METTL16: variants seen among roughly 807,000 people sequenced by gnomAD.
The protein encoded by METTL16 is methyltransferase 16, RNA N6-adenosine, also known as RNA N(6)-adenosine-methyltransferase METTL16.
METTL16 carries 19 observed loss-of-function variants against 57.9 expected under a neutral mutation model. The observed-to-expected ratio is 0.33, with a 90% confidence interval of 0.23 to 0.48. The LOEUF (loss-of-function observed/expected upper bound fraction) is 0.48. Ranked by LOEUF, METTL16 falls within the 20% of genes least tolerant of loss-of-function variation. The probability of loss-of-function intolerance (pLI) is 0.99; values close to 1 mark genes in which losing one functional copy is unlikely to be tolerated. For missense variants in METTL16, 434 were observed against 691.5 expected (o/e 0.63, Z 4.18); for synonymous variants, 246 against 255.6 (o/e 0.96, Z 0.36).
chr17:2,437,215 A>G (rs749905074), intron 8 of METTL16, among the ~76,000 whole-genome samples: 1 of 152,118 alleles, frequency 6.6e-6, no homozygotes, highest in Non-Finnish European at 1.5e-5. Context: ...TATTCCAGAA[A>G]ATGTTCTAGC....
intron 6 of METTL16, among the ~76,000 whole-genome samples, chr17:2,454,208 CTTT>C (rs1170225377): frequency 6.6e-6 from 1 of 152,106 alleles, no homozygotes; most frequent in Non-Finnish European, 1.5e-5. Flanking sequence ...CTCCAAAAAA[CTTT>C]TTTTCCCCTC....
In METTL16 at chr17:2,419,489, T is replaced by C. The variant is rs369736149; in HGVS notation, c.*481A>G. On this transcript the variant is annotated 3_prime_UTR_variant, in exon 10 of 10. Coordinates refer to ENST00000263092, the MANE Select transcript of METTL16 (RefSeq NM_024086.4). ...CCACCATACAGCTCCCTTTGTGGGA[T>C]TGATGCAAGGTAGGCCCCATCTTGA... The C allele has an allele frequency of 8.1e-5, 30 of 369,602 alleles. No individual in the cohort carries two copies. The highest frequency in any genetic ancestry group is 4.0e-4 in the South Asian group (20 of 50,316). 22.9% of individuals were successfully genotyped at this position (369,602 alleles called of 1,614,324 possible). A position where few individuals can be genotyped will look rare whatever the true frequency, so the allele number is the denominator to read the frequency against.
chr17:2,453,219 C>T (rs1258276798), intron 6 of METTL16, among the ~76,000 whole-genome samples: 1 of 152,152 alleles, frequency 6.6e-6, no homozygotes, highest in African/African-American at 2.4e-5. Context: ...TAAAACTTAA[C>T]ACTCATTCAA....
chr17:2,500,226 G>C (rs997841532), intron 2 of METTL16, among the ~76,000 whole-genome samples: 6 of 152,138 alleles, frequency 3.9e-5, no homozygotes, highest in Non-Finnish European at 7.4e-5. Context: ...TTAGAGTAAA[G>C]AAGAGGTGAA....
In METTL16 at chr17:2,419,894, A is replaced by G. The variant is rs939384264; in HGVS notation, c.*76T>C. ...ATCGTGCTACTAATGGGCCGCTGGT[A>G]GGATTCCTCTTGCCACCCCACAGGC... On this transcript the variant is annotated 3_prime_UTR_variant, in exon 10 of 10. Transcript: ENST00000263092. The G allele has an allele frequency of 1.2e-5, 18 of 1,539,256 alleles. No homozygotes were observed. The highest frequency in any genetic ancestry group is 2.3e-5 in the East Asian group (1 of 44,316).
chr17:2,489,840 A>G (rs1293948058), intron 2 of METTL16, among the ~76,000 whole-genome samples: 1 of 151,968 alleles, frequency 6.6e-6, no homozygotes, highest in African/African-American at 2.4e-5. Flanking sequence ...GTGATAAAAG[A>G]GGAACTGTTA....
chr17:2,440,702 G>A (rs960511126), intron 7 of METTL16, among the ~76,000 whole-genome samples: 7 of 152,088 alleles, frequency 4.6e-5, no homozygotes, highest in African/African-American at 1.7e-4. Context: ...GGGGTGCAAT[G>A]GTGCACACCT....
intron 6 of METTL16, among the ~76,000 whole-genome samples, chr17:2,448,826 A>G (rs2067046204): frequency 7.3e-6 from 1 of 136,530 alleles, no homozygotes; most frequent in African/African-American, 2.6e-5. Flanking sequence ...AAAAAAAAAA[A>G]GAGCATCCTG....
chr17:2,457,104 C>T (rs891278813), intron 6 of METTL16, among the ~76,000 whole-genome samples: 2 of 151,144 alleles, frequency 1.3e-5, no homozygotes, highest in Non-Finnish European at 2.9e-5. Context: ...GAGGCCAAGG[C>T]GGGTGGATCA....
At chr17:2,491,761 G>T (rs1426128674) in intron 2 of METTL16, among the ~76,000 whole-genome samples, 2 of 149,530 alleles carry the variant, frequency 1.3e-5, no homozygotes, top group African/African-American at 5.0e-5. Flanking sequence ...TGTAGTTCCA[G>T]CTACTCCGGA....
At chr17:2,493,702 C>T (rs1201664672) in intron 2 of METTL16, among the ~76,000 whole-genome samples, 1 of 132,388 alleles carries the variant, frequency 7.6e-6, no homozygotes, top group Non-Finnish European at 1.6e-5. Context: ...CTGGGTGACG[C>T]TGTGAGACTC....
intron 4 of METTL16, among the ~76,000 whole-genome samples, chr17:2,472,529 G>C (rs553038677): frequency 1.3e-5 from 2 of 152,066 alleles, no homozygotes; most frequent in Non-Finnish European, 2.9e-5. Flanking sequence ...GTCAAAATTC[G>C]AAAGCAATCA....
At position 2,493,971 on chromosome 17, in the gene METTL16, C is replaced by A. The variant is rs146054472; in HGVS notation, c.128+8233G>T. On this transcript the variant is annotated intron_variant, in intron 2 of 9. Transcript: ENST00000263092. ...CTCCTCAAGACTGCCGTATCCTCTT[C>A]CCATCGCCTCACAGACACATTTCTT... is the stretch of plus-strand genomic sequence containing the variant. Among the ~76,000 whole-genome samples, 1,209 of 152,252 alleles carry A rather than the reference C, an allele frequency of 7.9e-3. 41 individuals are homozygous for A. Among genetic ancestry groups the A allele is most frequent in the Admixed American group, 0.065 (1,000 of 15,268 alleles).
At chr17:2,495,746 G>C (rs2067440579) in intron 2 of METTL16, among the ~76,000 whole-genome samples, 1 of 150,358 alleles carries the variant, frequency 6.7e-6, no homozygotes, top group African/African-American at 2.5e-5. Flanking sequence ...AGGTGAGTCT[G>C]ACGGGCTCAA....
intron 2 of METTL16, among the ~76,000 whole-genome samples, chr17:2,491,422 C>T (rs2067387984): frequency 6.6e-6 from 1 of 152,236 alleles, no homozygotes. Context: ...TCATTCTAAT[C>T]CTGTAGAAGC....
rs866347057 is a variant in METTL16 at position 2,506,484 on chromosome 17, C to T, written c.1-4153G>A. On this transcript the variant is annotated intron_variant, in intron 1 of 9. Coordinates refer to ENST00000263092, the MANE Select transcript of METTL16 (RefSeq NM_024086.4). The stretch of plus-strand genomic sequence containing the variant: ...TATTTTTTTGGTGGAGACGGGGTTT[C>T]GCTGTGTTGGCCGGGCTGGTCTCCA... Among the ~76,000 whole-genome samples the T allele has an allele frequency of 9.1e-4, 126 of 137,946 alleles. 1 individual carries two copies. In the South Asian group the frequency reaches 0.029, roughly 32 times the overall value. 90.5% of individuals were successfully genotyped at this position (137,946 alleles called of 152,430 possible). A position where few individuals can be genotyped will look rare whatever the true frequency, so the allele number is the denominator to read the frequency against.
At chr17:2,457,039 AAAT>A in intron 6 of METTL16, among the ~76,000 whole-genome samples, 1 of 152,152 alleles carries the variant, frequency 6.6e-6, no homozygotes, top group South Asian at 2.1e-4. Context: ...AAAATTATAA[AAAT>A]AATAATGTCA....
At chr17:2,482,961 T>C (rs889641474) in intron 2 of METTL16, among the ~76,000 whole-genome samples, 2 of 148,508 alleles carry the variant, frequency 1.3e-5, no homozygotes, top group Non-Finnish European at 3.0e-5. Flanking sequence ...AGATAAATAA[T>C]ATAATCAAAT....
chr17:2,441,772 T>C (rs1426674713), intron 6 of METTL16, among the ~76,000 whole-genome samples: 1 of 152,058 alleles, frequency 6.6e-6, no homozygotes, highest in Non-Finnish European at 1.5e-5. Flanking sequence ...AATAAATAAA[T>C]AAATAAATGT....
Sources: gnomAD v4.1 joint callset for allele counts (sites outside exome capture counted in the v4.1 genomes callset) on GRCh38, gnomAD v4.1.1 for gene constraint, MANE v1.5 for transcripts, NCBI Gene and HGNC (gene_info 2026-07-23, HGNC 2026-07-21) for gene names.